The following CBLB variants were observed in gnomAD, a reference collection of about 807,000 sequenced individuals.
CBLB encodes the protein Cbl proto-oncogene B, also known as E3 ubiquitin-protein ligase CBL-B.
A neutral mutation model predicts 104.9 loss-of-function variants in CBLB; 31 were observed. That is an observed-to-expected ratio of 0.30 (90% CI 0.22 to 0.40). The LOEUF (loss-of-function observed/expected upper bound fraction) is 0.40, where lower values mean the gene tolerates loss of function less well. Ranked by LOEUF, CBLB falls within the 10% of genes least tolerant of loss-of-function variation. CBLB has a pLI of 1.00. For missense variants in CBLB, 1,062 were observed against 1,214.6 expected, an observed-to-expected ratio of 0.87 and a Z score of 1.87; for synonymous variants, 440 against 422.6, an observed-to-expected ratio of 1.04 and a Z score of -0.51.
Position 105,686,297 on chromosome 3 carries a change from T to C in CBLB, c.2055-831A>G, listed in dbSNP as rs575752303. On this transcript the variant is annotated intron_variant, in intron 13 of 18. Transcript: ENST00000394030. ...TTAATCTAACCCTGGCTGAAGCCAA[T>C]GAAAAATGCCAAGGCAGAAATGCAC... 2.0e-5 allele frequency among the ~76,000 whole-genome samples: 3 copies of C among 152,216 alleles called. No homozygotes were observed. In the East Asian group the frequency reaches 5.8e-4, roughly 29 times the overall value.
intron 4 of CBLB, among the ~76,000 whole-genome samples, chr3:105,753,438 T>C (rs34736627): frequency 0.012 from 1,871 of 152,150 alleles, 23 homozygotes; most frequent in Non-Finnish European, 0.019. Flanking sequence ...GAAGTATAAA[T>C]ATGCAATTAT....
At position 105,678,655 on chromosome 3, in the gene CBLB, T is replaced by C. The variant is rs74667219; in HGVS notation, c.2429-84A>G. ...ATCTAACAAAAGTAATAATTGATTT[T>C]CTCTTGCTGCTTATAAAGAATTTCA... On this transcript the variant is annotated intron_variant, in intron 16 of 18. Coordinates refer to ENST00000394030, the MANE Select transcript of CBLB (RefSeq NM_170662.5). The C allele has an allele frequency of 1.8e-4, 249 of 1,403,772 alleles. No homozygotes were observed. The East Asian group carries it at 5.6e-3, about 31-fold the overall frequency. The allele number at this position is 1,403,772 out of a possible 1,614,324, so 87.0% of individuals were successfully genotyped here. A position where few individuals can be genotyped will look rare whatever the true frequency, so the allele number is the denominator to read the frequency against.
Position 105,853,432 on chromosome 3 carries a change from T to G in CBLB, c.401A>C (p.Glu134Ala), listed in dbSNP as rs2091207812. ...LFKEGKERMYEEQSQDRRNLT... is the reference protein window; with the variant it reads ...LFKEGKERMYAEQSQDRRNLT... ...TTCTTACCTGTCCTGTGACTGTTCT[T>G]CATACATTCTCTCCTTGCCTTCTTT... The change falls in exon 3 of 19, where the codon GAA becomes GCA. Residue 134 changes from glutamate to alanine, a missense_variant. Physicochemically the swap from Glu to Ala is moderately radical, Grantham distance 107. This residue lies in a region of CBLB where 457 missense variants were observed against 632.0 expected (regional missense o/e 0.72). Coordinates refer to ENST00000394030, the MANE Select transcript of CBLB (RefSeq NM_170662.5). The G allele has an allele frequency of 6.2e-7, 1 of 1,613,620 alleles. No homozygotes were observed. Among genetic ancestry groups the G allele is most frequent in the Non-Finnish European group, 8.5e-7 (1 of 1,179,762 alleles).
intron 12 of CBLB, among the ~76,000 whole-genome samples, chr3:105,699,900 A>G (rs2068853289): frequency 2.0e-5 from 3 of 152,176 alleles, no homozygotes; most frequent in Non-Finnish European, 4.4e-5. Flanking sequence ...CATGAAATTA[A>G]CTGGAGGATA....
At chr3:105,681,112 C>A in intron 16 of CBLB, 1 of 287,542 alleles carries the variant, frequency 3.5e-6, no homozygotes, top group Non-Finnish European at 6.5e-6. Flanking sequence ...GGTGCTCATG[C>A]TGCAAGAAAA....
intron 3 of CBLB, among the ~76,000 whole-genome samples, chr3:105,800,980 G>A (rs1420320459): frequency 6.6e-6 from 1 of 152,074 alleles, no homozygotes; most frequent in Non-Finnish European, 1.5e-5. Flanking sequence ...GGGAGAAAGT[G>A]AGAGAAGGCT....
At chr3:105,854,025 A>G (rs1346435809) in intron 2 of CBLB, among the ~76,000 whole-genome samples, 1 of 152,132 alleles carries the variant, frequency 6.6e-6, no homozygotes, top group African/African-American at 2.4e-5. Flanking sequence ...TTGACAACCA[A>G]TGTCTCACAT....
intron 2 of CBLB, among the ~76,000 whole-genome samples, chr3:105,859,632 C>A (rs921532444): frequency 7.2e-6 from 1 of 139,612 alleles, no homozygotes; most frequent in African/African-American, 2.7e-5. Flanking sequence ...TCCAGCACTC[C>A]AACCTGGGCC....
At chr3:105,840,391 A>C (rs2089362797) in intron 3 of CBLB, among the ~76,000 whole-genome samples, 1 of 152,234 alleles carries the variant, frequency 6.6e-6, no homozygotes, top group Non-Finnish European at 1.5e-5. Context: ...TGTTAGAAAA[A>C]AAAAAAAGTT....
intron 4 of CBLB, among the ~76,000 whole-genome samples, chr3:105,763,671 C>T (rs1237301956): frequency 6.6e-6 from 1 of 152,186 alleles, no homozygotes; most frequent in Non-Finnish European, 1.5e-5. Flanking sequence ...TGAGAACAGA[C>T]TAATATAAGT....
chr3:105,782,565 A>ATTCTT (rs1271188414), intron 3 of CBLB, among the ~76,000 whole-genome samples: 9 of 148,100 alleles, frequency 6.1e-5, no homozygotes, highest in East Asian at 4.0e-4. Flanking sequence ...TCTCTGTAGT[A>ATTCTT]TTCTTTTCTT....
At chr3:105,780,655 T>TTTTTTTTG (rs2080098753) in intron 3 of CBLB, among the ~76,000 whole-genome samples, 1 of 94,506 alleles carries the variant, frequency 1.1e-5, no homozygotes, top group Non-Finnish European at 2.1e-5. Context: ...AAAGTTTTGT[T>TTTTTTTTG]TTTTGTTTTT....
intron 2 of CBLB, among the ~76,000 whole-genome samples, chr3:105,856,434 AAAATCTGGTTC>A (rs2091627826): frequency 6.6e-6 from 1 of 151,956 alleles, no homozygotes; most frequent in East Asian, 1.9e-4. Flanking sequence ...GATGGAGAGA[AAAATCTGGTTC>A]AAATTTCCAA....
chr3:105,864,406 C>G (rs866228608), intron 2 of CBLB, among the ~76,000 whole-genome samples: 3 of 152,114 alleles, frequency 2.0e-5, no homozygotes, highest in Non-Finnish European at 2.9e-5. Context: ...AGAACAGACT[C>G]CACATTTCAT....
At chr3:105,866,842 G>T (rs1396618028) in intron 2 of CBLB, among the ~76,000 whole-genome samples, 1 of 152,126 alleles carries the variant, frequency 6.6e-6, no homozygotes, top group Non-Finnish European at 1.5e-5. Flanking sequence ...AAGGTTTCCT[G>T]TTTCAAAATG....
At chr3:105,768,433 G>A (rs2078469616) in intron 4 of CBLB, among the ~76,000 whole-genome samples, 1 of 152,154 alleles carries the variant, frequency 6.6e-6, no homozygotes, top group South Asian at 2.1e-4. Flanking sequence ...AGTAAAGGAA[G>A]AGAGAGCTTA....
rs562773895 is a variant in CBLB at position 105,738,910 on chromosome 3, GTAT to G, written c.983+1581_983+1583del. Among the ~76,000 whole-genome samples the G allele has an allele frequency of 2.3e-3, 346 of 152,156 alleles. 4 individuals carry two copies. Among genetic ancestry groups the G allele is most frequent in the Non-Finnish European group, 4.1e-3 (280 of 67,998 alleles). On this transcript the variant is annotated intron_variant, in intron 7 of 18. Transcript: ENST00000394030. The stretch of plus-strand genomic sequence containing the variant: ...TTATTGAAAGGTTTTGTGTGTGTTG[GTAT>G]TATTATTATTTTTTCAGATAAGGTC...
In CBLB at chr3:105,704,305, C is replaced by A. The variant is rs1443378589; in HGVS notation, c.1408-132G>T. 1.1e-5 allele frequency: 9 copies of A among 822,696 alleles called. No individual in the cohort carries two copies. In the East Asian group the frequency reaches 1.6e-4, roughly 14 times the overall value. 51.0% of individuals were successfully genotyped at this position (822,696 alleles called of 1,614,324 possible). On this transcript the variant is annotated intron_variant, in intron 10 of 18. Coordinates refer to ENST00000394030, the MANE Select transcript of CBLB (RefSeq NM_170662.5). ...TGTTAAAATGAATTCCCTTAGTTTA[C>A]CCTGATTAATAGAAGCAAATAGTTC...
At chr3:105,789,771 T>A (rs773433137) in intron 3 of CBLB, among the ~76,000 whole-genome samples, 15 of 152,290 alleles carry the variant, frequency 9.8e-5, no homozygotes, top group Middle Eastern at 3.4e-3. Flanking sequence ...AGATTTGACA[T>A]ATGTCTAGAT....
Sources: allele counts gnomAD v4.1 joint callset (sites outside exome capture counted in the v4.1 genomes callset), GRCh38; gene constraint gnomAD v4.1.1; regional missense constraint gnomAD v4.1.1; transcripts MANE v1.5; gene names NCBI Gene and HGNC (gene_info 2026-07-23, HGNC 2026-07-21).